YLPM1: variants seen among roughly 807,000 people sequenced by gnomAD.
YLPM1 encodes the protein YLP motif containing 1.
Under a neutral mutation model 230.0 loss-of-function variants are expected in YLPM1, and 99 were observed. The ratio of observed to expected loss-of-function variants is 0.43; its 90% confidence interval spans 0.37 to 0.51. YLPM1 has a LOEUF of 0.51. YLPM1 is among the 20% of genes least tolerant of loss of function. The pLI, the probability that YLPM1 is intolerant of heterozygous loss-of-function variation, is 0.00. For synonymous variants in YLPM1, 984 were observed against 942.5 expected (o/e 1.04, Z -0.81); for missense variants, 2,592 against 2,707.7 (o/e 0.96, Z 0.95).
In YLPM1 at chr14:74,818,315, G is replaced by A; in HGVS notation, c.6030+1G>A. 1 of 1,593,616 alleles carries A rather than the reference G, an allele frequency of 6.3e-7. No homozygotes were observed. Among genetic ancestry groups the A allele is most frequent in the Non-Finnish European group, 8.5e-7 (1 of 1,169,960 alleles). On this transcript the variant is annotated splice_donor_variant, in intron 16 of 20. Coordinates refer to ENST00000325680, the MANE Select transcript of YLPM1 (RefSeq NM_019589.3). LOFTEE classifies it high-confidence loss of function. ...GCTGCAAGATGCTGCTATTGAAGAG[G>A]TGAGTATCCTTTGGTTCAAATGCAA...
Position 74,781,960 on chromosome 14 carries a change from A to G in YLPM1, c.1917A>G (p.Pro639=), listed in dbSNP as rs2091099094. 1.2e-6 allele frequency: 2 copies of G among 1,613,422 alleles called. No homozygotes were observed. Among genetic ancestry groups the G allele is most frequent in the Non-Finnish European group, 1.7e-6 (2 of 1,179,638 alleles). ...CAGGAATACCTCCCCCTGGAGTTCC[A>G]CAAGGGATACCTCCTCAGTTAACAG... The part of the protein sequence containing the change: ...PPPGIPPPGV[P]QGIPPQLTAA... The change falls in exon 4 of 21, where the codon CCA becomes CCG. Residue 639 remains proline (P), a synonymous_variant. Coordinates refer to ENST00000325680, the MANE Select transcript of YLPM1 (RefSeq NM_019589.3).
intron 11 of YLPM1, among the ~76,000 whole-genome samples, chr14:74,813,575 C>T (rs1359511653): frequency 6.6e-6 from 1 of 151,960 alleles, no homozygotes; most frequent in Non-Finnish European, 1.5e-5. Context: ...AAATCTCTGC[C>T]TTTTGATTGG....
At chr14:74,773,500 T>G (rs1316731073) in intron 1 of YLPM1, among the ~76,000 whole-genome samples, 1 of 152,192 alleles carries the variant, frequency 6.6e-6, no homozygotes, top group African/African-American at 2.4e-5. Context: ...AAAGATAGTT[T>G]GCATCTTTGT....
intron 9 of YLPM1, among the ~76,000 whole-genome samples, chr14:74,811,208 G>A (rs1448831272): frequency 3.9e-5 from 6 of 152,092 alleles, no homozygotes; most frequent in South Asian, 4.1e-4. Flanking sequence ...TTGGCCGGGC[G>A]TAGTGGCTCA....
At chr14:74,814,221 C>T (rs113909644) in intron 11 of YLPM1, among the ~76,000 whole-genome samples, 22,254 of 152,018 alleles carry the variant, frequency 0.15, 1,766 homozygotes, top group South Asian at 0.29. Context: ...ATTAGCTGGG[C>T]GTGGTGGCAG....
chr14:74,769,276 T>TG (rs1566735855), intron 1 of YLPM1, among the ~76,000 whole-genome samples: 18 of 129,220 alleles, frequency 1.4e-4, no homozygotes, highest in South Asian at 5.4e-4. Context: ...TTTTTTTTTT[T>TG]TTTTTTTTTT....
intron 6 of YLPM1, among the ~76,000 whole-genome samples, chr14:74,808,632 A>AT (rs1342118283): frequency 6.6e-6 from 1 of 151,938 alleles, no homozygotes; most frequent in Non-Finnish European, 1.5e-5. Flanking sequence ...GTGAAACCCC[A>AT]TCTCTACTAA....
Position 74,782,250 on chromosome 14 carries a change from A to G in YLPM1, c.2207A>G (p.Asp736Gly). Residue 736 changes from aspartate to glycine, a missense_variant, in exon 4 of 21, where the codon GAC (aspartate) becomes GGC (glycine). By Grantham distance (94) the Asp-to-Gly change is moderately conservative. This residue lies in a region of YLPM1 where 1,862 missense variants were observed against 1,819.8 expected (regional missense o/e 1.02). Coordinates refer to ENST00000325680, the MANE Select transcript of YLPM1 (RefSeq NM_019589.3). Reference sequence around the variant, plus strand: ...TCTCAGCCAATCACTGCAGTGAAGGACATGCCAGTGAGATCAGGTGGCCTG... The same window carrying G: ...TCTCAGCCAATCACTGCAGTGAAGGGCATGCCAGTGAGATCAGGTGGCCTG... ...APSQPITAVKDMPVRSGGLLP... is the reference protein window; with the variant it reads ...APSQPITAVKGMPVRSGGLLP... 4 of 1,593,554 alleles carry G rather than the reference A, an allele frequency of 2.5e-6. No individual in the cohort carries two copies. Among genetic ancestry groups the G allele is most frequent in the Non-Finnish European group, 3.4e-6 (4 of 1,176,536 alleles).
At chr14:74,827,333 C>T in intron 18 of YLPM1, 29 of 985,348 alleles carry the variant, frequency 2.9e-5, no homozygotes, top group Non-Finnish European at 3.3e-5. Flanking sequence ...ATTTCTTTCC[C>T]CTCACCTTAT....
rs1210858349 is a variant in YLPM1 at position 74,763,345 on chromosome 14, G to A, written c.-145G>A. ...CCGGTCGCGGGCCCAGCTCGGGAGC[G>A]CCGGCGCACTGGCGCGCTCCGTTTA... On this transcript the variant is annotated 5_prime_UTR_variant, in exon 1 of 21. Coordinates refer to ENST00000325680, the MANE Select transcript of YLPM1 (RefSeq NM_019589.3). 6.9e-6 allele frequency: 7 copies of A among 1,018,152 alleles called. No homozygotes were observed. In the South Asian group the frequency reaches 1.1e-4, roughly 16 times the overall value. The allele number at this position is 1,018,152 out of a possible 1,614,324, so 63.1% of individuals were successfully genotyped here.
chr14:74,834,090 T>C (rs1045799973), intron 19 of YLPM1, among the ~76,000 whole-genome samples: 3 of 152,008 alleles, frequency 2.0e-5, no homozygotes, highest in African/African-American at 7.2e-5. Flanking sequence ...GGCTCATGCT[T>C]GTAATCCTAG....
At chr14:74,835,732 G>C (rs2091638194) in intron 20 of YLPM1, 43 bp from the exon 21 acceptor site, 4 of 416,842 alleles carry the variant, frequency 9.6e-6, no homozygotes, top group Non-Finnish European at 1.8e-5. Context: ...TGAACTTTTT[G>C]CCTGTTCTTT....
At chr14:74,805,704 C>CT (rs571630763) in intron 6 of YLPM1, among the ~76,000 whole-genome samples, 20,295 of 134,476 alleles carry the variant, frequency 0.15, 1,648 homozygotes, top group South Asian at 0.3. Flanking sequence ...AATAAGCATA[C>CT]TTTTTTTTTT....
intron 4 of YLPM1, 72 bp from the exon 5 acceptor site, chr14:74,797,508 A>T: frequency 7.6e-7 from 1 of 1,309,248 alleles, no homozygotes; most frequent in Non-Finnish European, 1.0e-6. Context: ...AGAGTGCCTT[A>T]AATATTCTTA....
chr14:74,782,775 CTTTTA>C (rs1441661099), intron 4 of YLPM1, among the ~76,000 whole-genome samples: 1 of 152,064 alleles, frequency 6.6e-6, no homozygotes, highest in Non-Finnish European at 1.5e-5. Context: ...GTAAGTAGGA[CTTTTA>C]TTTTATCCAT....
Position 74,782,421 on chromosome 14 carries a change from A to G in YLPM1, c.2282+96A>G, listed in dbSNP as rs547563641. On this transcript the variant is annotated intron_variant, in intron 4 of 20. Transcript: ENST00000325680. ...TGGTATAAAAAGCTTCATTTATACA[A>G]TGTTTATACTCTCTTTGTACTTATA... 1,310 of 1,357,340 alleles carry G rather than the reference A, an allele frequency of 9.7e-4. 1 individual carries two copies. The highest frequency in any genetic ancestry group is 1.2e-3 in the Non-Finnish European group (1,205 of 1,025,256). The allele number at this position is 1,357,340 out of a possible 1,614,324, so 84.1% of individuals were successfully genotyped here.
chr14:74,766,883 CTTTTT>C (rs1158275487), intron 1 of YLPM1, among the ~76,000 whole-genome samples: 4 of 131,188 alleles, frequency 3.0e-5, no homozygotes, highest in Admixed American at 1.6e-4. Flanking sequence ...AAGACCTTTT[CTTTTT>C]TTTTTTTTTT....
chr14:74,782,031 C>G lies in YLPM1; in HGVS notation c.1988C>G (p.Pro663Arg). The change falls in exon 4 of 21, where the codon CCA (proline) becomes CGA (arginine). Residue 663 changes from proline to arginine, a missense_variant. Physicochemically the swap from Pro to Arg is moderately radical, Grantham distance 103 (BLOSUM62 -2). Around this residue, in one of 4 missense-constraint regions of YLPM1, gnomAD observed 1,862 missense variants for 1,819.8 expected, o/e 1.02. Transcript: ENST00000325680. The stretch of plus-strand genomic sequence containing the variant: ...TCCAGTTCACAGAGCTCGCAAGTTC[C>G]AGAGAAACCTAGACCAGCACTGCTT... ...PASSSQSSQV[P>R]EKPRPALLPT... 1 of 1,614,012 alleles carries G rather than the reference C, an allele frequency of 6.2e-7. No homozygotes were observed. Among genetic ancestry groups the G allele is most frequent in the Non-Finnish European group, 8.5e-7 (1 of 1,179,880 alleles).
Position 74,817,003 on chromosome 14 carries a change from A to T in YLPM1, c.5758A>T (p.Thr1920Ser), listed in dbSNP as rs752221460. 6.2e-7 allele frequency: 1 copy of T among 1,610,328 alleles called. No homozygotes were observed. The highest frequency in any genetic ancestry group is 1.3e-5 in the African/African-American group (1 of 74,706). ...CAGCATGTTCAAAACTTTCAAAAAG[A>T]CTCTGGATGATGGCTTTTTTCCCTT... ...RTSMFKTFKK[T>S]LDDGFFPFII... Residue 1920 changes from threonine (T) to serine (S), a missense_variant, in exon 14 of 21, where the codon ACT (threonine) becomes TCT (serine). Coordinates refer to ENST00000325680, the MANE Select transcript of YLPM1 (RefSeq NM_019589.3).
Sources: allele counts gnomAD v4.1 joint callset (sites outside exome capture counted in the v4.1 genomes callset), GRCh38; gene constraint gnomAD v4.1.1; regional missense constraint gnomAD v4.1.1; transcripts MANE v1.5; gene names NCBI Gene and HGNC (gene_info 2026-07-23, HGNC 2026-07-21).